Variants in SLC35F3 observed in about 807,000 individuals in gnomAD.
SLC35F3 encodes solute carrier family 35 member F3, also known as putative thiamine transporter SLC35F3.
Under a neutral mutation model 49.9 loss-of-function variants are expected in SLC35F3, and 25 were observed. The observed-to-expected ratio is 0.50, with a 90% CI of 0.37 to 0.70. The LOEUF (loss-of-function observed/expected upper bound fraction) is 0.70. Among genes scored for constraint, SLC35F3 ranks in the 30% least tolerant of loss-of-function variants. The probability of loss-of-function intolerance (pLI) is 0.00; values close to 1 mark genes in which losing one functional copy is unlikely to be tolerated. For synonymous variants in SLC35F3, 275 were observed against 265.4 expected (o/e 1.04, Z -0.35); for missense variants, 525 against 639.8 (o/e 0.82, Z 1.94).
intron 2 of SLC35F3, among the ~76,000 whole-genome samples, chr1:234,149,139 G>A (rs780811059): frequency 3.9e-5 from 6 of 152,154 alleles, no homozygotes; most frequent in African/African-American, 9.7e-5. Flanking sequence ...GACGGAATCT[G>A]TGTGGATGGA....
At chr1:234,304,083 C>G (rs1668737350) in intron 3 of SLC35F3, among the ~76,000 whole-genome samples, 1 of 142,466 alleles carries the variant, frequency 7.0e-6, no homozygotes. Context: ...TTCTTCCTTC[C>G]TTCCTTCCTT....
intron 3 of SLC35F3, among the ~76,000 whole-genome samples, chr1:234,238,218 A>G (rs886846234): frequency 1.3e-5 from 2 of 152,248 alleles, no homozygotes; most frequent in Non-Finnish European, 2.9e-5. Flanking sequence ...ATCCTCATGT[A>G]TAGCCAGGAG....
At chr1:234,060,187 C>G (rs1393337374) in intron 2 of SLC35F3, among the ~76,000 whole-genome samples, 1 of 152,172 alleles carries the variant, frequency 6.6e-6, no homozygotes, top group African/African-American at 2.4e-5. Flanking sequence ...TTTGTGTGCA[C>G]TTGAGAACAA....
intron 2 of SLC35F3, among the ~76,000 whole-genome samples, chr1:234,059,766 A>G (rs1664513833): frequency 6.6e-6 from 1 of 152,236 alleles, no homozygotes; most frequent in Non-Finnish European, 1.5e-5. Context: ...AGGAGCAAGG[A>G]CAGCCAGTCC....
intron 2 of SLC35F3, among the ~76,000 whole-genome samples, chr1:234,220,077 AT>A (rs1188155651): frequency 1.3e-5 from 2 of 152,324 alleles, no homozygotes; most frequent in East Asian, 3.9e-4. Flanking sequence ...GGAAGACAGG[AT>A]TGAAACAGGG....
chr1:234,108,437 T>C (rs1454279050), intron 2 of SLC35F3, among the ~76,000 whole-genome samples: 2 of 117,494 alleles, frequency 1.7e-5, no homozygotes, highest in African/African-American at 6.9e-5. Context: ...ATAAAAGATA[T>C]ATATAAAAGA....
At chr1:234,096,738 G>A (rs1477616762) in intron 2 of SLC35F3, among the ~76,000 whole-genome samples, 6 of 152,018 alleles carry the variant, frequency 3.9e-5, no homozygotes, top group African/African-American at 1.4e-4. Context: ...TTTGAGGGTG[G>A]GTAAGCCTGA....
rs983244700 is a variant in SLC35F3, at chr1:233,949,885, G to A, written c.283+44127G>A. Among the ~76,000 whole-genome samples, 9 of 152,250 alleles carry A rather than the reference G, an allele frequency of 5.9e-5. No homozygotes were observed. The South Asian group carries it at 1.0e-3, about 18-fold the overall frequency. The stretch of plus-strand genomic sequence containing the variant: ...AGCCAAAGTGAGAGACCCAAAAGCC[G>A]TACTTCAGACCCTGGGCAGAGATGC... On this transcript the variant is annotated intron_variant, in intron 2 of 7. Transcript: ENST00000366618.
In SLC35F3 at chr1:234,149,164, AG is replaced by A. The variant is rs111370597; in HGVS notation, c.284-82252del. Among the ~76,000 whole-genome samples, 1,108 of 152,328 alleles carry A rather than the reference AG, an allele frequency of 7.3e-3. 18 individuals carry two copies. The highest frequency in any genetic ancestry group is 0.024 in the African/African-American group (998 of 41,562). Reference sequence around the variant, plus strand: ...GTGTGGATGGAAAAGGGGAGAACCAAGTCCTGACACAGGGTTCCCTCTCTGC... The same window carrying A: ...GTGTGGATGGAAAAGGGGAGAACCAATCCTGACACAGGGTTCCCTCTCTGC... On this transcript the variant is annotated intron_variant, in intron 2 of 7. Transcript: ENST00000366618.
intron 7 of SLC35F3, among the ~76,000 whole-genome samples, chr1:234,321,319 T>C (rs1037462788): frequency 6.6e-6 from 1 of 152,198 alleles, no homozygotes; most frequent in Non-Finnish European, 1.5e-5. Flanking sequence ...TCCCAACATA[T>C]CTGCTCTCTG....
chr1:234,156,239 T>G (rs544250660), intron 2 of SLC35F3, among the ~76,000 whole-genome samples: 11 of 150,096 alleles, frequency 7.3e-5, no homozygotes, highest in African/African-American at 2.8e-4. Context: ...AAAAGAACAG[T>G]AATACTCGGA....
chr1:234,081,904 A>ATTTTTTTT lies in SLC35F3; in HGVS notation c.284-149488_284-149481dup, dbSNP rs781469880. 2.9e-3 allele frequency among the ~76,000 whole-genome samples: 115 copies of ATTTTTTTT among 39,228 alleles called. 25 individuals carry two copies. Among genetic ancestry groups the ATTTTTTTT allele is most frequent in the African/African-American group, 0.011 (82 of 7,464 alleles). The allele number at this position is 39,228 out of a possible 152,430, so 25.7% of individuals were successfully genotyped here. On this transcript the variant is annotated intron_variant, in intron 2 of 7. Transcript: ENST00000366618. ...AGGCGCCTGCCACCATGCCTGGCTA[A>ATTTTTTTT]TTTTTTTTTTTTTTTTTTTTTTTTT...
chr1:234,227,847 A>G (rs984733937), intron 2 of SLC35F3, among the ~76,000 whole-genome samples: 2 of 152,218 alleles, frequency 1.3e-5, no homozygotes, highest in African/African-American at 4.8e-5. Context: ...TAGCTTCCTC[A>G]TTGTAACTCC....
At chr1:234,194,000 A>G (rs1006948767) in intron 2 of SLC35F3, among the ~76,000 whole-genome samples, 1 of 152,226 alleles carries the variant, frequency 6.6e-6, no homozygotes, top group African/African-American at 2.4e-5. Context: ...TGTTGGTGGG[A>G]ATGTAAACTA....
At chr1:234,174,915 A>C (rs975170272) in intron 2 of SLC35F3, among the ~76,000 whole-genome samples, 1 of 152,224 alleles carries the variant, frequency 6.6e-6, no homozygotes, top group Non-Finnish European at 1.5e-5. Flanking sequence ...AATGAAGGAG[A>C]GAAGGCTGAG....
chr1:233,936,728 G>A (rs142429928), intron 2 of SLC35F3, among the ~76,000 whole-genome samples: 2 of 151,066 alleles, frequency 1.3e-5, no homozygotes, highest in South Asian at 2.1e-4. Context: ...TTGCTATGTC[G>A]CCCAAGCTGA....
Position 234,172,847 on chromosome 1 carries a change from C to A in SLC35F3, c.284-58570C>A, listed in dbSNP as rs748844392. Among the ~76,000 whole-genome samples the A allele has an allele frequency of 3.3e-5, 5 of 152,156 alleles. No homozygotes were observed. In the East Asian group the frequency reaches 5.8e-4, roughly 18 times the overall value. On this transcript the variant is annotated intron_variant, in intron 2 of 7. Transcript: ENST00000366618. ...TCCGATGTGGCCACAGTCATATATGCGGTCTGTTGTTGACTGAAACATCAC... is the reference window on the plus strand; with the variant it reads ...TCCGATGTGGCCACAGTCATATATGAGGTCTGTTGTTGACTGAAACATCAC...
At chr1:234,274,227 T>G (rs891661074) in intron 3 of SLC35F3, 1 of 152,196 alleles carries the variant, frequency 6.6e-6, no homozygotes, top group South Asian at 2.1e-4. Context: ...GGTCTTCAAC[T>G]TCTTCTCCAT....
chr1:234,055,217 G>T (rs1664439032), intron 2 of SLC35F3, among the ~76,000 whole-genome samples: 1 of 152,024 alleles, frequency 6.6e-6, no homozygotes, highest in South Asian at 2.1e-4. Flanking sequence ...GTTGCCTTTT[G>T]TTCAGCTATG....
Sources: allele counts gnomAD v4.1 joint callset (sites outside exome capture counted in the v4.1 genomes callset), GRCh38; gene constraint gnomAD v4.1.1; transcripts MANE v1.5; gene names NCBI Gene and HGNC (gene_info 2026-07-23, HGNC 2026-07-21).